PCDHGA3: variants seen among roughly 807,000 people sequenced by gnomAD.
PCDHGA3 encodes the protein protocadherin gamma subfamily A, 3, also known as protocadherin gamma-A3.
Under a neutral mutation model 58.5 loss-of-function variants are expected in PCDHGA3, and 40 were observed. The observed-to-expected ratio is 0.68, with a 90% CI of 0.53 to 0.89. The LOEUF is 0.89. PCDHGA3 is among the 40% of genes least tolerant of loss of function. The pLI, the probability that PCDHGA3 is intolerant of heterozygous loss-of-function variation, is 0.00. For synonymous variants in PCDHGA3, 530 were observed against 525.7 expected, an observed-to-expected ratio of 1.01 and a Z score of -0.11; for missense variants, 1,223 against 1,195.9, an observed-to-expected ratio of 1.02 and a Z score of -0.33.
intron 1 of PCDHGA3, chr5:141,350,612 G>T: frequency 6.2e-7 from 1 of 1,614,070 alleles, no homozygotes; most frequent in South Asian, 1.1e-5. Context: ...CCACGTGGTT[G>T]TTGTAATCCA....
At chr5:141,373,472 A>G (rs1012142467) in intron 1 of PCDHGA3, among the ~76,000 whole-genome samples, 1 of 152,230 alleles carries the variant, frequency 6.6e-6, no homozygotes, top group African/African-American at 2.4e-5. Context: ...GCAATGAGCT[A>G]TAATTGTGCC....
chr5:141,384,595 G>A, intron 1 of PCDHGA3: 1 of 1,614,198 alleles, frequency 6.2e-7, no homozygotes, highest in Non-Finnish European at 8.5e-7. Flanking sequence ...CCTGTACCCG[G>A]CCCTCCCCAC....
intron 1 of PCDHGA3, chr5:141,409,193 TGTAAA>T (rs2095239502): frequency 1.2e-6 from 2 of 1,613,988 alleles, no homozygotes; most frequent in African/African-American, 1.3e-5. Context: ...CTCTACCCAG[TGTAAA>T]GTAATCATAG....
At position 141,432,195 on chromosome 5, in the gene PCDHGA3, C is replaced by G; in HGVS notation, c.2425-62612C>G. 1 of 1,614,206 alleles carries G rather than the reference C, an allele frequency of 6.2e-7. No individual in the cohort carries two copies. The highest frequency in any genetic ancestry group is 8.5e-7 in the Non-Finnish European group (1 of 1,180,050). On this transcript the variant is annotated intron_variant, in intron 1 of 3. Transcript: ENST00000253812. The surrounding 1 kb of genome is among the most constrained non-coding windows in gnomAD (Gnocchi z 6.0). ...CTCGTCTCTGTGACCGCCCACGACC[C>G]CGACTGTGAAGAGAACGCCCAGATC...
chr5:141,492,084 G>A (rs979755390), intron 1 of PCDHGA3, among the ~76,000 whole-genome samples: 1 of 152,236 alleles, frequency 6.6e-6, no homozygotes, highest in Non-Finnish European at 1.5e-5. Flanking sequence ...GCTCCGGCAC[G>A]CTTCGCCGGT....
At chr5:141,456,918 G>C (rs535602842) in intron 1 of PCDHGA3, among the ~76,000 whole-genome samples, 49 of 152,124 alleles carry the variant, frequency 3.2e-4, no homozygotes, top group African/African-American at 1.2e-3. Context: ...AGCCGAGATC[G>C]CACCACTGCA....
chr5:141,403,950 T>C (rs771679747), intron 1 of PCDHGA3: 13 of 1,613,706 alleles, frequency 8.1e-6, no homozygotes, highest in Non-Finnish European at 1.1e-5. Context: ...TGGACAAAAG[T>C]GCTCATTTCG....
chr5:141,403,592 G>A (rs779516418), intron 1 of PCDHGA3: 1 of 1,613,850 alleles, frequency 6.2e-7, no homozygotes, highest in Non-Finnish European at 8.5e-7. Flanking sequence ...GGTCCTCACG[G>A]CCTCGGATGG....
At chr5:141,494,232 A>T (rs2099752983) in intron 1 of PCDHGA3, among the ~76,000 whole-genome samples, 1 of 152,168 alleles carries the variant, frequency 6.6e-6, no homozygotes, top group African/African-American at 2.4e-5. Flanking sequence ...TCCTAAATTA[A>T]TAATGTATTT....
intron 1 of PCDHGA3, chr5:141,360,160 G>C (rs1368478719): frequency 2.5e-6 from 4 of 1,606,014 alleles, no homozygotes; most frequent in Non-Finnish European, 3.4e-6. Flanking sequence ...AGGGAGGTGC[G>C]GGCTGGTGCG....
At position 141,491,658 on chromosome 5, in the gene PCDHGA3, C is replaced by A; in HGVS notation, c.2425-3149C>A. 1 of 1,613,822 alleles carries A rather than the reference C, an allele frequency of 6.2e-7. No homozygotes were observed. The highest frequency in any genetic ancestry group is 8.5e-7 in the Non-Finnish European group (1 of 1,180,016). On this transcript the variant is annotated intron_variant, in intron 1 of 3. Coordinates refer to ENST00000253812, the MANE Select transcript of PCDHGA3 (RefSeq NM_018916.4). The surrounding 1 kb of genome is among the most constrained non-coding windows in gnomAD (Gnocchi z 6.9). ...CCACAGCTCTGGCGCTGGAGCCTGA[C>A]GCCATCCGGTCCCGCTCTAATACGC... is the stretch of plus-strand genomic sequence containing the variant.
chr5:141,442,298 G>A (rs934210433), intron 1 of PCDHGA3: 2 of 152,564 alleles, frequency 1.3e-5, no homozygotes, highest in African/African-American at 4.8e-5. Flanking sequence ...TCCTGTCTGA[G>A]TCTTTCCCAC....
At chr5:141,418,904 A>C (rs2096300166) in intron 1 of PCDHGA3, 1 of 1,613,998 alleles carries the variant, frequency 6.2e-7, no homozygotes, top group Admixed American at 1.7e-5. Context: ...AGAAATAATC[A>C]TCACGTCACT....
chr5:141,451,497 G>T (rs2098717489), intron 1 of PCDHGA3, among the ~76,000 whole-genome samples: 1 of 152,214 alleles, frequency 6.6e-6, no homozygotes, highest in Admixed American at 6.5e-5. Flanking sequence ...CCTCCATAGG[G>T]CAACCAGCTT....
chr5:141,394,674 C>G lies in PCDHGA3; in HGVS notation c.2424+48217C>G. ...CGAGCCGGGACTCTTCTCGGTGGGT[C>G]TGCACACGGGCGAGGTGCGCACGGC... On this transcript the variant is annotated intron_variant, in intron 1 of 3. Transcript: ENST00000253812. 1 of 1,612,758 alleles carries G rather than the reference C, an allele frequency of 6.2e-7. No individual in the cohort carries two copies. The highest frequency in any genetic ancestry group is 8.5e-7 in the Non-Finnish European group (1 of 1,179,752).
intron 1 of PCDHGA3, chr5:141,423,181 C>T: frequency 1.2e-6 from 2 of 1,613,578 alleles, no homozygotes; most frequent in East Asian, 2.2e-5. Flanking sequence ...GGACCACGGC[C>T]AGCCCCCTCT....
In PCDHGA3 at chr5:141,364,711, T is replaced by C. The variant is rs370237297; in HGVS notation, c.2424+18254T>C. ...TAGAAGTAGAAATAATCGATATTAA[T>C]GATAACTTCCCGCGTTTCCGGGATG... On this transcript the variant is annotated intron_variant, in intron 1 of 3. Transcript: ENST00000253812. 48 of 1,613,870 alleles carry C rather than the reference T, an allele frequency of 3.0e-5. No homozygotes were observed. In the African/African-American group the frequency reaches 5.1e-4, roughly 17 times the overall value.
chr5:141,481,208 A>G lies in PCDHGA3; in HGVS notation c.2425-13599A>G, dbSNP rs116577118. On this transcript the variant is annotated intron_variant, in intron 1 of 3. Coordinates refer to ENST00000253812, the MANE Select transcript of PCDHGA3 (RefSeq NM_018916.4). ...GCCAGGCCCAATTTTTTTAAAAAACATGGTAAGGTCTCCCAGCCTTAAAGT... is the reference window on the plus strand; with the variant it reads ...GCCAGGCCCAATTTTTTTAAAAAACGTGGTAAGGTCTCCCAGCCTTAAAGT... 3.5e-3 allele frequency among the ~76,000 whole-genome samples: 528 copies of G among 152,350 alleles called. 2 individuals carry two copies. Among genetic ancestry groups the G allele is most frequent in the African/African-American group, 0.012 (490 of 41,572 alleles).
chr5:141,466,037 G>T (rs1204301031), intron 1 of PCDHGA3, among the ~76,000 whole-genome samples: 1 of 152,056 alleles, frequency 6.6e-6, no homozygotes, highest in African/African-American at 2.4e-5. Flanking sequence ...CAGGAGAACG[G>T]CATGAACCCA....
Sources: allele counts gnomAD v4.1 joint callset (sites outside exome capture counted in the v4.1 genomes callset), GRCh38; gene constraint gnomAD v4.1.1; non-coding constraint Gnocchi (gnomAD v3.1); transcripts MANE v1.5; gene names NCBI Gene and HGNC (gene_info 2026-07-23, HGNC 2026-07-21).